The following SLC30A9 variants were observed in gnomAD, a reference collection of about 807,000 sequenced individuals.
SLC30A9 encodes the protein proton-coupled zinc antiporter SLC30A9, mitochondrial.
A neutral mutation model predicts 87.5 loss-of-function variants in SLC30A9; 58 were observed. That is an observed-to-expected ratio of 0.66 (90% CI 0.54 to 0.82). SLC30A9 has a LOEUF of 0.82. Ranked by LOEUF, SLC30A9 falls within the 40% of genes least tolerant of loss-of-function variation. The pLI is 0.00. For synonymous variants in SLC30A9, 234 were observed against 233.0 expected (o/e 1.00, Z -0.04); for missense variants, 557 against 679.1 (o/e 0.82, Z 2.00).
chr4:42,048,446 A>T (rs1165997157), intron 8 of SLC30A9, among the ~76,000 whole-genome samples: 1 of 152,146 alleles, frequency 6.6e-6, no homozygotes, highest in Non-Finnish European at 1.5e-5. Context: ...AAGGGGACAT[A>T]CAGTTCTCTC....
At chr4:42,029,907 C>A in intron 6 of SLC30A9, 1 of 716,958 alleles carries the variant, frequency 1.4e-6, no homozygotes, top group Non-Finnish European at 2.6e-6. Context: ...GTATTTTGGA[C>A]TGGGCACCTA....
intron 8 of SLC30A9, among the ~76,000 whole-genome samples, chr4:42,044,006 T>C (rs1717030781): frequency 6.6e-6 from 1 of 151,874 alleles, no homozygotes; most frequent in Non-Finnish European, 1.5e-5. Context: ...GACAAGCAAA[T>C]ATTGAGAGAT....
At position 42,068,749 on chromosome 4, in the gene SLC30A9, G is replaced by A. The variant is rs115644504; in HGVS notation, c.1252+1557G>A. Among the ~76,000 whole-genome samples the A allele has an allele frequency of 7.2e-3, 1,062 of 147,786 alleles. 12 individuals carry two copies. Among genetic ancestry groups the A allele is most frequent in the African/African-American group, 0.022 (899 of 41,252 alleles). ...TGCCTTCCTATTTCTTTAATTCTAA[G>A]TTGTTTGTGTCCTTATTTTGGTAGC... On this transcript the variant is annotated intron_variant, in intron 14 of 17. Coordinates refer to ENST00000264451, the MANE Select transcript of SLC30A9 (RefSeq NM_006345.4).
In SLC30A9 at chr4:42,087,007, C is replaced by G. The variant is rs1363005261; in HGVS notation, c.*881C>G. On this transcript the variant is annotated 3_prime_UTR_variant, in exon 18 of 18. Coordinates refer to ENST00000264451, the MANE Select transcript of SLC30A9 (RefSeq NM_006345.4). ...AATATTTATAATTTTACAGGCAGGA[C>G]AGCATTTGACTTTTATTTAAAAGGC... 6.6e-6 allele frequency: 1 copy of G among 152,080 alleles called. No individual in the cohort carries two copies. Among genetic ancestry groups the G allele is most frequent in the Non-Finnish European group, 1.5e-5 (1 of 68,012 alleles). 9.4% of individuals were successfully genotyped at this position (152,080 alleles called of 1,614,324 possible). A position where few individuals can be genotyped will look rare whatever the true frequency, so the allele number is the denominator to read the frequency against.
At chr4:42,042,072 G>A (rs1716944477) in intron 8 of SLC30A9, among the ~76,000 whole-genome samples, 1 of 152,196 alleles carries the variant, frequency 6.6e-6, no homozygotes, top group Non-Finnish European at 1.5e-5. Flanking sequence ...CACAGACCAG[G>A]AGATTCCCTC....
chr4:42,018,183 T>C lies in SLC30A9; in HGVS notation c.334+13T>C. 1 of 1,450,294 alleles carries C rather than the reference T, an allele frequency of 6.9e-7. No individual in the cohort carries two copies. The highest frequency in any genetic ancestry group is 9.6e-7 in the Non-Finnish European group (1 of 1,042,144). 89.8% of individuals were successfully genotyped at this position (1,450,294 alleles called of 1,614,324 possible). A position where few individuals can be genotyped will look rare whatever the true frequency, so the allele number is the denominator to read the frequency against. On this transcript the variant is annotated intron_variant, in intron 3 of 17. Transcript: ENST00000264451. ...CTCCAAGTAAGAGGTAAATATATTTTATCCTATTTTTGTATTATAAAGATG... is the reference window on the plus strand; with the variant it reads ...CTCCAAGTAAGAGGTAAATATATTTCATCCTATTTTTGTATTATAAAGATG...
intron 2 of SLC30A9, among the ~76,000 whole-genome samples, chr4:42,017,897 T>G: frequency 6.6e-6 from 1 of 152,286 alleles, no homozygotes; most frequent in Non-Finnish European, 1.5e-5. Flanking sequence ...CTTTAGCTTC[T>G]GAAATGATTG....
Position 42,033,322 on chromosome 4 carries a change from G to T in SLC30A9, c.611-1953G>T, listed in dbSNP as rs530088328. On this transcript the variant is annotated intron_variant, in intron 6 of 17. Transcript: ENST00000264451. ...TAAGTAACTGTTTTAAAGTTTTTGG[G>T]TTTTTTTTTTAATACTTAAAATATA... Among the ~76,000 whole-genome samples, 11 of 146,498 alleles carry T rather than the reference G, an allele frequency of 7.5e-5. No individual in the cohort carries two copies. In the East Asian group the frequency reaches 1.8e-3, roughly 24 times the overall value.
intron 13 of SLC30A9, 60 bp from the exon 14 acceptor site, chr4:42,067,025 T>C: frequency 2.2e-6 from 2 of 925,622 alleles, no homozygotes; most frequent in South Asian, 2.7e-5. Context: ...AAATGTTACC[T>C]GATAGTATCA....
chr4:42,059,517 G>A (rs1455405069), intron 9 of SLC30A9, among the ~76,000 whole-genome samples: 1 of 152,144 alleles, frequency 6.6e-6, no homozygotes, highest in Non-Finnish European at 1.5e-5. Context: ...GGAAAGAAAA[G>A]AATATGATAT....
chr4:42,067,837 T>C (rs1718143346), intron 14 of SLC30A9, among the ~76,000 whole-genome samples: 2 of 152,192 alleles, frequency 1.3e-5, no homozygotes, highest in Non-Finnish European at 2.9e-5. Context: ...TGCCCTGCCA[T>C]GGGATGGCAT....
intron 8 of SLC30A9, among the ~76,000 whole-genome samples, chr4:42,040,115 C>T (rs912360266): frequency 2.6e-5 from 4 of 152,024 alleles, no homozygotes; most frequent in African/African-American, 9.7e-5. Flanking sequence ...TCTGGCTGTA[C>T]AATTGTGTAA....
In SLC30A9 at chr4:42,049,386, A is replaced by C; in HGVS notation, c.747A>C (p.Leu249Phe). 6.2e-7 allele frequency: 1 copy of C among 1,607,554 alleles called. No homozygotes were observed. Among genetic ancestry groups the C allele is most frequent in the Non-Finnish European group, 8.5e-7 (1 of 1,175,794 alleles). ...TCTCTTTCTCTTCTAGCAATGGATT[A>C]AACTGCTTCTTTAAATTTCTTGCCT... is the stretch of plus-strand genomic sequence containing the variant. Reference protein sequence around the residue: ...VVMVAICINGLNCFFKFLAWI... With the variant: ...VVMVAICINGFNCFFKFLAWI... The change falls in exon 9 of 18, where the codon TTA (leucine) becomes TTC (phenylalanine). Residue 249 changes from leucine (L) to phenylalanine (F), a missense_variant. By Grantham distance (22) the Leu-to-Phe change is conservative. This residue lies in a region of SLC30A9 where 467 missense variants were observed against 529.8 expected (regional missense o/e 0.88). Transcript: ENST00000264451.
At chr4:41,991,824 G>A (rs1280541898) in intron 1 of SLC30A9, among the ~76,000 whole-genome samples, 1 of 152,148 alleles carries the variant, frequency 6.6e-6, no homozygotes, top group African/African-American at 2.4e-5. Context: ...AGTCATTCGA[G>A]ATTTTATGTA....
intron 15 of SLC30A9, among the ~76,000 whole-genome samples, chr4:42,074,511 T>C (rs1481922533): frequency 1.3e-5 from 2 of 152,184 alleles, no homozygotes; most frequent in African/African-American, 4.8e-5. Flanking sequence ...AAAGTAGTTA[T>C]GCTTGAGTAT....
At chr4:42,080,700 G>A in intron 17 of SLC30A9, among the ~76,000 whole-genome samples, 1 of 152,280 alleles carries the variant, frequency 6.6e-6, no homozygotes, top group South Asian at 2.1e-4. Flanking sequence ...ACACTCTTAG[G>A]CAGGACATGT....
At chr4:42,067,295 A>G (rs1049465897) in intron 14 of SLC30A9, 103 bp downstream of exon 14, 2 of 685,890 alleles carry the variant, frequency 2.9e-6, no homozygotes, top group Non-Finnish European at 5.1e-6. Context: ...TAAACCAACA[A>G]ATTGTTAAAT....
chr4:42,066,526 C>T, intron 12 of SLC30A9, 24 bp from the exon 13 acceptor site: 2 of 1,531,084 alleles, frequency 1.3e-6, no homozygotes, highest in Non-Finnish European at 1.8e-6. Context: ...TTCTGTCTTG[C>T]TGATATGAAT....
At position 42,086,641 on chromosome 4, in the gene SLC30A9, C is replaced by T. The variant is rs1718934847; in HGVS notation, c.*515C>T. The T allele has an allele frequency of 6.6e-6, 1 of 152,644 alleles. No homozygotes were observed. 9.5% of individuals were successfully genotyped at this position (152,644 alleles called of 1,614,324 possible). On this transcript the variant is annotated 3_prime_UTR_variant, in exon 18 of 18. Coordinates refer to ENST00000264451, the MANE Select transcript of SLC30A9 (RefSeq NM_006345.4). ...CTTATAGAATGTGGAAATTATTTCT[C>T]CATACCTTGTGATTTTGACCTGAGT... is the stretch of plus-strand genomic sequence containing the variant.
Sources: gnomAD v4.1 joint callset for allele counts (sites outside exome capture counted in the v4.1 genomes callset) on GRCh38, gnomAD v4.1.1 for gene constraint, gnomAD v4.1.1 regional missense constraint, MANE v1.5 for transcripts, NCBI Gene and HGNC (gene_info 2026-07-23, HGNC 2026-07-21) for gene names.